Variants in RGS6 observed in about 807,000 individuals in gnomAD.
The protein encoded by RGS6 is regulator of G-protein signaling 6.
A neutral mutation model predicts 78.5 loss-of-function variants in RGS6; 30 were observed. That is an observed-to-expected ratio of 0.38 (90% confidence interval 0.29 to 0.52). The LOEUF (loss-of-function observed/expected upper bound fraction) is 0.52, where lower values mean the gene tolerates loss of function less well. Among genes scored for constraint, RGS6 ranks in the 20% least tolerant of loss-of-function variants. RGS6 has a pLI of 0.85. For missense variants in RGS6, 495 were observed against 609.7 expected, an observed-to-expected ratio of 0.81 and a Z score of 1.98; for synonymous variants, 206 against 206.0, an observed-to-expected ratio of 1.00 and a Z score of 0.00.
intron 12 of RGS6, among the ~76,000 whole-genome samples, chr14:72,489,156 G>GACCCCCCCCCCCCCCCC (rs779527255): frequency 7.0e-6 from 1 of 142,002 alleles, no homozygotes; most frequent in Admixed American, 7.3e-5. Context: ...GACAAAGGGG[G>GACCCCCCCCCCCCCCCC]CCCCCCCACC....
chr14:72,350,377 A>G (rs1453920808), intron 2 of RGS6, among the ~76,000 whole-genome samples: 1 of 152,092 alleles, frequency 6.6e-6, no homozygotes, highest in Non-Finnish European at 1.5e-5. Context: ...GACCCTGCGA[A>G]AGTTGCAAAG....
At chr14:71,937,591 G>C (rs1363522197) in intron 1 of RGS6, among the ~76,000 whole-genome samples, 1 of 152,162 alleles carries the variant, frequency 6.6e-6, no homozygotes, top group Non-Finnish European at 1.5e-5. Context: ...CAGGATGATG[G>C]GGAGCATGGT....
At chr14:72,281,144 C>CTT (rs11381940) in intron 2 of RGS6, among the ~76,000 whole-genome samples, 1,556 of 112,794 alleles carry the variant, frequency 0.014, 56 homozygotes, top group African/African-American at 0.046. Flanking sequence ...AAACAAGATT[C>CTT]TTTTTTTTTT....
At chr14:72,045,284 T>G (rs1851551844) in intron 2 of RGS6, among the ~76,000 whole-genome samples, 1 of 152,246 alleles carries the variant, frequency 6.6e-6, no homozygotes, top group African/African-American at 2.4e-5. Context: ...AAATTGTTTT[T>G]TCTTGCCTTT....
At chr14:72,502,726 T>A (rs2096744709) in intron 13 of RGS6, among the ~76,000 whole-genome samples, 1 of 152,082 alleles carries the variant, frequency 6.6e-6, no homozygotes, top group Admixed American at 6.5e-5. Flanking sequence ...ATCGTGCCAT[T>A]GCACTCCAGC....
chr14:72,284,666 C>T (rs2062185850), intron 2 of RGS6, among the ~76,000 whole-genome samples: 1 of 152,214 alleles, frequency 6.6e-6, no homozygotes, highest in African/African-American at 2.4e-5. Flanking sequence ...GAAGCCCCCA[C>T]ACAGAGTCCC....
At chr14:72,467,808 C>G (rs548891016) in intron 7 of RGS6, among the ~76,000 whole-genome samples, 1 of 152,310 alleles carries the variant, frequency 6.6e-6, no homozygotes, top group South Asian at 2.1e-4. Context: ...ATGCCCCTGT[C>G]TGCCCCAATG....
At chr14:72,629,426 T>G in the RGS6 span, among the ~76,000 whole-genome samples, 1 of 152,196 alleles carries the variant, frequency 6.6e-6, no homozygotes, top group African/African-American at 2.4e-5. Context: ...GTGGAAACAA[T>G]CAAATACATC....
rs548810822 is a variant in RGS6, at chr14:72,175,667, G to C, written c.85-176428G>C. 2.0e-4 allele frequency among the ~76,000 whole-genome samples: 30 copies of C among 152,292 alleles called. No homozygotes were observed. In the East Asian group the frequency reaches 4.8e-3, roughly 24 times the overall value. On this transcript the variant is annotated intron_variant, in intron 2 of 17. Transcript: ENST00000553525. ...GAAACAAAGCAGTGCACAAATGAACGCTCTAGTCAGTGAGGCTCCATTAGA... is the reference window on the plus strand; with the variant it reads ...GAAACAAAGCAGTGCACAAATGAACCCTCTAGTCAGTGAGGCTCCATTAGA...
chr14:72,538,075 G>A (rs527897568), intron 16 of RGS6, among the ~76,000 whole-genome samples: 6 of 152,306 alleles, frequency 3.9e-5, no homozygotes, highest in Middle Eastern at 3.4e-3. Context: ...TACCAACAAC[G>A]TCTCAATACT....
At chr14:72,327,144 A>G (rs1280170956) in intron 2 of RGS6, among the ~76,000 whole-genome samples, 2 of 152,138 alleles carry the variant, frequency 1.3e-5, no homozygotes, top group Non-Finnish European at 2.9e-5. Context: ...CCCCTTTTTT[A>G]TCTGTTAATT....
chr14:72,081,335 C>T (rs755428278), intron 2 of RGS6, among the ~76,000 whole-genome samples: 2 of 152,038 alleles, frequency 1.3e-5, no homozygotes, highest in Non-Finnish European at 2.9e-5. Context: ...TGTGGAAATG[C>T]TGCATCAGCA....
At chr14:72,561,815 A>C (rs1280428276) in intron 17 of RGS6, among the ~76,000 whole-genome samples, 1 of 152,220 alleles carries the variant, frequency 6.6e-6, no homozygotes, top group Non-Finnish European at 1.5e-5. Flanking sequence ...GCAGGAGTGC[A>C]CTGCCCTGGG....
the RGS6 span, among the ~76,000 whole-genome samples, chr14:72,580,594 G>T: frequency 3.3e-5 from 5 of 152,336 alleles, no homozygotes; most frequent in African/African-American, 9.6e-5. Context: ...ACCTTTCAGA[G>T]CCAAGGCTGC....
At chr14:71,902,412 G>A in the RGS6 span, among the ~76,000 whole-genome samples, 2 of 152,018 alleles carry the variant, frequency 1.3e-5, no homozygotes, top group Non-Finnish European at 2.9e-5. Context: ...GGGTACCATG[G>A]GTAGCAAGCC....
intron 2 of RGS6, among the ~76,000 whole-genome samples, chr14:72,184,539 A>G (rs1329654281): frequency 6.6e-6 from 1 of 152,210 alleles, no homozygotes; most frequent in Non-Finnish European, 1.5e-5. Context: ...AATACATATT[A>G]TACTCATTAT....
At chr14:72,255,295 C>G (rs2056833301) in intron 2 of RGS6, among the ~76,000 whole-genome samples, 1 of 152,074 alleles carries the variant, frequency 6.6e-6, no homozygotes, top group Admixed American at 6.6e-5. Flanking sequence ...GCAAGAGCCA[C>G]TTAAGGGAAG....
intron 2 of RGS6, among the ~76,000 whole-genome samples, chr14:72,038,999 G>A (rs2092080039): frequency 6.6e-6 from 1 of 152,196 alleles, no homozygotes; most frequent in African/African-American, 2.4e-5. Flanking sequence ...CAGGAGGAAA[G>A]CATTCAGTCT....
intron 3 of RGS6, among the ~76,000 whole-genome samples, chr14:72,430,288 C>T (rs2094574638): frequency 6.6e-6 from 1 of 152,170 alleles, no homozygotes; most frequent in Admixed American, 6.5e-5. Context: ...CATCTCCACC[C>T]AAAACTAAAC....
Sources: gnomAD v4.1 joint callset for allele counts (sites outside exome capture counted in the v4.1 genomes callset) on GRCh38, gnomAD v4.1.1 for gene constraint, MANE v1.5 for transcripts, NCBI Gene and HGNC (gene_info 2026-07-23, HGNC 2026-07-21) for gene names.